Variants in ERC2 observed in about 807,000 individuals in gnomAD.
ERC2 encodes the protein ELKS/RAB6-interacting/CAST family member 2.
ERC2 carries 42 observed loss-of-function variants against 114.8 expected under a neutral mutation model. The ratio of observed to expected loss-of-function variants is 0.37; its 90% CI spans 0.29 to 0.47. The LOEUF is 0.47. ERC2 is among the 20% of genes least tolerant of loss of function. The pLI is 0.99. For missense variants in ERC2, 939 were observed against 1,150.7 expected, an observed-to-expected ratio of 0.82 and a Z score of 2.66; for synonymous variants, 454 against 425.5, an observed-to-expected ratio of 1.07 and a Z score of -0.82.
intron 2 of ERC2, among the ~76,000 whole-genome samples, chr3:56,365,888 C>T (rs1328063834): frequency 2.0e-5 from 3 of 152,158 alleles, no homozygotes; most frequent in Non-Finnish European, 4.4e-5. Context: ...AGCTCTTGTT[C>T]ATTTAGAGTT....
intron 2 of ERC2, among the ~76,000 whole-genome samples, chr3:56,397,536 A>G (rs1303016071): frequency 6.6e-6 from 1 of 152,050 alleles, no homozygotes; most frequent in Non-Finnish European, 1.5e-5. Flanking sequence ...TAATGATGCA[A>G]CTGTTTCATA....
At chr3:55,717,898 C>G (rs1030147839) in intron 15 of ERC2, among the ~76,000 whole-genome samples, 7 of 152,196 alleles carry the variant, frequency 4.6e-5, no homozygotes, top group African/African-American at 1.7e-4. Flanking sequence ...TCCCTGATCC[C>G]TATCTGGGGT....
intron 17 of ERC2, among the ~76,000 whole-genome samples, chr3:55,581,342 G>C (rs988507104): frequency 6.6e-6 from 1 of 152,206 alleles, no homozygotes; most frequent in African/African-American, 2.4e-5. Flanking sequence ...GGGAAAAAAG[G>C]TGAGACATCT....
At chr3:55,767,217 A>G (rs1421673714) in intron 14 of ERC2, among the ~76,000 whole-genome samples, 1 of 152,222 alleles carries the variant, frequency 6.6e-6, no homozygotes, top group Non-Finnish European at 1.5e-5. Context: ...CAGTGGCATA[A>G]TTAGTTAGCA....
chr3:55,669,924 A>G (rs1055511205), intron 17 of ERC2, among the ~76,000 whole-genome samples: 1 of 152,234 alleles, frequency 6.6e-6, no homozygotes, highest in Non-Finnish European at 1.5e-5. Context: ...TACTTGATAA[A>G]TAATTACAGA....
chr3:55,667,251 AGAT>A (rs2061390076), intron 17 of ERC2, among the ~76,000 whole-genome samples: 1 of 152,226 alleles, frequency 6.6e-6, no homozygotes, highest in African/African-American at 2.4e-5. Context: ...GAACAAGGGA[AGAT>A]AGTGCTCATC....
intron 15 of ERC2, among the ~76,000 whole-genome samples, chr3:55,704,254 G>T (rs1403609071): frequency 6.6e-6 from 1 of 152,146 alleles, no homozygotes; most frequent in Non-Finnish European, 1.5e-5. Context: ...ATGGCAATAT[G>T]GAGTGATAAA....
chr3:56,453,041 C>CA (rs980875589), intron 1 of ERC2, among the ~76,000 whole-genome samples: 5 of 150,890 alleles, frequency 3.3e-5, no homozygotes, highest in South Asian at 2.1e-4. Flanking sequence ...AAAAGGTTGC[C>CA]AAAAAAAAAC....
chr3:55,682,271 A>G (rs944536948), intron 17 of ERC2, among the ~76,000 whole-genome samples: 3 of 152,142 alleles, frequency 2.0e-5, no homozygotes, highest in Non-Finnish European at 4.4e-5. Context: ...TCATACTGAC[A>G]AGCTTTCCTG....
rs562652835 is a variant in ERC2 at position 55,782,902 on chromosome 3, T to C, written c.2565-47984A>G. On this transcript the variant is annotated intron_variant, in intron 14 of 17. Transcript: ENST00000288221. The stretch of plus-strand genomic sequence containing the variant: ...ACAAATAAATGTGTAGGTTTTATTA[T>C]CACAGTGAATATTTGCAATGACTCC... 5.3e-4 allele frequency among the ~76,000 whole-genome samples: 80 copies of C among 152,314 alleles called. 1 individual carries two copies. The highest frequency in any genetic ancestry group is 9.4e-4 in the Non-Finnish European group (64 of 68,028).
chr3:56,353,635 T>A (rs2058633623), intron 2 of ERC2, among the ~76,000 whole-genome samples: 1 of 110,202 alleles, frequency 9.1e-6, no homozygotes, highest in Non-Finnish European at 1.7e-5. Context: ...GAGGGGAACA[T>A]CACACACCAG....
chr3:55,936,454 T>C (rs2066450838), intron 13 of ERC2, among the ~76,000 whole-genome samples: 1 of 152,234 alleles, frequency 6.6e-6, no homozygotes, highest in Non-Finnish European at 1.5e-5. Context: ...CTGTACATTA[T>C]TATTTTAGGC....
intron 17 of ERC2, among the ~76,000 whole-genome samples, chr3:55,520,917 C>T (rs1357295545): frequency 6.6e-6 from 1 of 152,112 alleles, no homozygotes; most frequent in Non-Finnish European, 1.5e-5. Context: ...CTGTCATGTT[C>T]GGGAAAGAGA....
intron 2 of ERC2, among the ~76,000 whole-genome samples, chr3:56,375,842 T>C (rs1421843672): frequency 6.6e-6 from 1 of 152,180 alleles, no homozygotes; most frequent in African/African-American, 2.4e-5. Flanking sequence ...GCTTACATCC[T>C]CTCTTTCTTG....
intron 17 of ERC2, among the ~76,000 whole-genome samples, chr3:55,668,407 T>A (rs574955721): frequency 4.6e-5 from 7 of 152,180 alleles, no homozygotes; most frequent in African/African-American, 1.7e-4. Flanking sequence ...AAGACCCACA[T>A]GGTGGGGCAG....
chr3:56,033,410 A>G (rs2074601793), intron 7 of ERC2, among the ~76,000 whole-genome samples: 2 of 152,238 alleles, frequency 1.3e-5, no homozygotes, highest in African/African-American at 4.8e-5. Context: ...AGTGAGTTTT[A>G]AACTTTTTTA....
intron 14 of ERC2, among the ~76,000 whole-genome samples, chr3:55,806,291 T>C (rs1311398504): frequency 8.2e-5 from 12 of 147,130 alleles, no homozygotes; most frequent in African/African-American, 3.0e-4. Flanking sequence ...GCTGAGATCA[T>C]GCCACTGCAC....
chr3:55,550,882 G>A (rs1043559154), intron 17 of ERC2, among the ~76,000 whole-genome samples: 5 of 151,866 alleles, frequency 3.3e-5, no homozygotes, highest in East Asian at 3.9e-4. Flanking sequence ...CGGGCGTGGT[G>A]GTGGGTGCCT....
At chr3:56,211,682 A>G (rs1025656131) in intron 3 of ERC2, among the ~76,000 whole-genome samples, 11 of 152,202 alleles carry the variant, frequency 7.2e-5, no homozygotes, top group Admixed American at 6.5e-4. Context: ...TAGGCATTAC[A>G]TTACCTGACC....
Sources: allele counts gnomAD v4.1 joint callset (sites outside exome capture counted in the v4.1 genomes callset), GRCh38; gene constraint gnomAD v4.1.1; transcripts MANE v1.5; gene names NCBI Gene and HGNC (gene_info 2026-07-23, HGNC 2026-07-21).